The following ACSF2 variants were observed in gnomAD, a reference collection of about 807,000 sequenced individuals.
ACSF2 encodes medium-chain acyl-CoA ligase ACSF2, mitochondrial.
Under a neutral mutation model 79.3 loss-of-function variants are expected in ACSF2, and 52 were observed. The observed-to-expected ratio is 0.66, with a 90% CI of 0.53 to 0.83. ACSF2 has a LOEUF of 0.83. Among genes scored for constraint, ACSF2 ranks in the 40% least tolerant of loss-of-function variants. The probability of loss-of-function intolerance (pLI) is 0.00; values close to 1 mark genes in which losing one functional copy is unlikely to be tolerated. For missense variants in ACSF2, 661 were observed against 803.3 expected (o/e 0.82, Z 2.14); for synonymous variants, 283 against 312.6 (o/e 0.91, Z 1.00).
chr17:50,461,022 G>A (rs2032298063), intron 2 of ACSF2, 150 bp downstream of exon 2: 4 of 1,144,832 alleles, frequency 3.5e-6, no homozygotes, highest in Non-Finnish European at 4.9e-6. Context: ...AAGGAGACAG[G>A]ACTGACGCAC....
At chr17:50,461,756 C>T in intron 4 of ACSF2, 70 bp downstream of exon 4, 1 of 1,579,732 alleles carries the variant, frequency 6.3e-7, no homozygotes, top group Non-Finnish European at 8.7e-7. Context: ...CTCTGCTTGT[C>T]AGAGTCTGAC....
intron 1 of ACSF2, among the ~76,000 whole-genome samples, chr17:50,444,299 T>C (rs1209309944): frequency 2.0e-5 from 3 of 152,142 alleles, no homozygotes; most frequent in Non-Finnish European, 4.4e-5. Context: ...ACACCTGTAA[T>C]CCCAGCACTT....
intron 12 of ACSF2, 54 bp from the exon 13 acceptor site, chr17:50,473,611 G>A: frequency 6.2e-7 from 1 of 1,611,808 alleles, no homozygotes; most frequent in Non-Finnish European, 8.5e-7. Context: ...GACTGAGCAA[G>A]CAAGTGAGTG....
intron 12 of ACSF2, 25 bp downstream of exon 12, chr17:50,472,604 G>T: frequency 6.4e-7 from 1 of 1,570,356 alleles, no homozygotes; most frequent in African/African-American, 1.4e-5. Context: ...CGGGGTGGAG[G>T]CTCTGGCCGC....
rs748037572 is a variant in ACSF2 at position 50,468,162 on chromosome 17, G to C, written c.1216-2866G>C. 1.9e-6 allele frequency: 3 copies of C among 1,614,192 alleles called. No individual in the cohort carries two copies. The Admixed American group carries it at 5.0e-5, about 27-fold the overall frequency. On this transcript the variant is annotated intron_variant, in intron 10 of 15. Transcript: ENST00000300441. ...AGCTTCAGCTCCTCCACCACCCGTA[G>C]CTTGCTCAGGGCAGCTGAGGGGTAG...
chr17:50,431,990 C>T (rs779673188), intron 1 of ACSF2, among the ~76,000 whole-genome samples: 1 of 152,066 alleles, frequency 6.6e-6, no homozygotes, highest in Non-Finnish European at 1.5e-5. Context: ...ACTACAGCCT[C>T]GAACTCTTGA....
intron 1 of ACSF2, chr17:50,450,051 C>A (rs777059295): frequency 3.9e-5 from 6 of 152,126 alleles, no homozygotes; most frequent in African/African-American, 1.2e-4. Context: ...TAAGTGGAGG[C>A]CTTCTTGCAT....
In ACSF2 at chr17:50,474,025, T is replaced by C. The variant is rs1464506979; in HGVS notation, c.1728+21T>C. ...GGAAGGTGGGAGCCTCCGCTCAACC[T>C]AGCTGATGCTGCTCTGTTCTTTGCT... On this transcript the variant is annotated intron_variant, in intron 14 of 15. Coordinates refer to ENST00000300441, the MANE Select transcript of ACSF2 (RefSeq NM_025149.6). The surrounding 1 kb of genome is among the most constrained non-coding windows in gnomAD (Gnocchi z 4.2). The C allele has an allele frequency of 1.3e-6, 2 of 1,529,896 alleles. No homozygotes were observed. Among genetic ancestry groups the C allele is most frequent in the Non-Finnish European group, 1.8e-6 (2 of 1,137,046 alleles). The allele number at this position is 1,529,896 out of a possible 1,614,324, so 94.8% of individuals were successfully genotyped here.
intron 1 of ACSF2, chr17:50,450,590 A>T (rs2031607572): frequency 6.6e-6 from 1 of 152,064 alleles, no homozygotes; most frequent in South Asian, 2.1e-4. Flanking sequence ...CACTGTCAGC[A>T]TAGCTTCTCA....
intron 10 of ACSF2, among the ~76,000 whole-genome samples, chr17:50,469,674 G>T (rs2033008888): frequency 6.6e-6 from 1 of 152,088 alleles, no homozygotes; most frequent in Non-Finnish European, 1.5e-5. Flanking sequence ...CTCCTTCATC[G>T]CCCCGAAATA....
intron 1 of ACSF2, among the ~76,000 whole-genome samples, chr17:50,443,135 C>T (rs1434810106): frequency 6.6e-6 from 1 of 152,018 alleles, no homozygotes; most frequent in African/African-American, 2.4e-5. Flanking sequence ...GTCTCGATCT[C>T]CTGACCTTGT....
chr17:50,430,526 A>G (rs1280081507), intron 1 of ACSF2, among the ~76,000 whole-genome samples: 1 of 152,136 alleles, frequency 6.6e-6, no homozygotes, highest in African/African-American at 2.4e-5. Context: ...TTAGCTGGGC[A>G]TGGTGGCGGG....
chr17:50,468,706 G>A (rs1165415209), intron 10 of ACSF2: 2 of 1,613,164 alleles, frequency 1.2e-6, no homozygotes, highest in East Asian at 2.2e-5. Context: ...TGTCGCAGAT[G>A]ACGTGCTGCA....
intron 1 of ACSF2, among the ~76,000 whole-genome samples, chr17:50,449,435 C>T (rs974524893): frequency 5.3e-5 from 8 of 150,126 alleles, no homozygotes; most frequent in Admixed American, 1.3e-4. Flanking sequence ...GACTGAGTCT[C>T]GCTTTGTCAC....
chr17:50,465,238 T>C (rs1186068089), intron 10 of ACSF2: 1 of 1,599,410 alleles, frequency 6.3e-7, no homozygotes, highest in African/African-American at 1.3e-5. Context: ...AGATACCAGC[T>C]CACTTGCTGG....
rs1469117298 is a variant in ACSF2, at chr17:50,465,190, G to T, written c.1215+896G>T. Reference sequence around the variant, plus strand: ...CCCTCCTCTCTCTGTAAAAATGGAGGGTCTGCCTGACCCTCCAGGGCCAGG... The same window carrying T: ...CCCTCCTCTCTCTGTAAAAATGGAGTGTCTGCCTGACCCTCCAGGGCCAGG... On this transcript the variant is annotated intron_variant, in intron 10 of 15. Transcript: ENST00000300441. The T allele has an allele frequency of 9.5e-6, 13 of 1,369,048 alleles. No homozygotes were observed. In the Middle Eastern group the frequency reaches 9.3e-4, roughly 98 times the overall value. The allele number at this position is 1,369,048 out of a possible 1,614,324, so 84.8% of individuals were successfully genotyped here. A position where few individuals can be genotyped will look rare whatever the true frequency, so the allele number is the denominator to read the frequency against.
rs148056344 is a variant in ACSF2 at position 50,474,430 on chromosome 17, A to C, written c.1798-72A>C. The C allele has an allele frequency of 8.4e-4, 1,312 of 1,562,960 alleles. 2 individuals carry two copies. The highest frequency in any genetic ancestry group is 9.9e-4 in the Non-Finnish European group (1,119 of 1,134,904). On this transcript the variant is annotated intron_variant, in intron 15 of 15. Transcript: ENST00000300441. This position sits in a 1 kb window ranked among gnomAD's most constrained non-coding sequence, Gnocchi z 4.2. ...GGACTTTCCCTGTTTTGGCACTAAG[A>C]GCCTGAGAAACCCCTTATTCTTGGG...
intron 1 of ACSF2, among the ~76,000 whole-genome samples, chr17:50,436,384 C>T (rs993977108): frequency 1.3e-5 from 2 of 151,848 alleles, no homozygotes; most frequent in East Asian, 3.9e-4. Flanking sequence ...CTGCCTTGGC[C>T]TCCCAAAGTG....
At chr17:50,438,691 C>G (rs962366516) in intron 1 of ACSF2, among the ~76,000 whole-genome samples, 11 of 152,002 alleles carry the variant, frequency 7.2e-5, no homozygotes, top group Non-Finnish European at 1.3e-4. Context: ...CTCAGCCTCC[C>G]GAGTAGCTGG....
Sources: gnomAD v4.1 joint callset for allele counts (sites outside exome capture counted in the v4.1 genomes callset) on GRCh38, gnomAD v4.1.1 for gene constraint, Gnocchi (gnomAD v3.1) non-coding constraint, MANE v1.5 for transcripts, NCBI Gene and HGNC (gene_info 2026-07-23, HGNC 2026-07-21) for gene names.